MICALL2: variants seen among roughly 807,000 people sequenced by gnomAD.
MICALL2 encodes the protein MICAL-like protein 2.
Under a neutral mutation model 91.1 loss-of-function variants are expected in MICALL2, and 111 were observed. The ratio of observed to expected loss-of-function variants is 1.22; its 90% CI spans 1.04 to 1.43. The LOEUF (loss-of-function observed/expected upper bound fraction) is 1.43. Ranked by LOEUF, MICALL2 falls within the 40% of genes most tolerant of loss-of-function variation. The pLI is 0.00. For missense variants in MICALL2, 1,556 were observed against 1,236.0 expected (o/e 1.26, Z -3.88); for synonymous variants, 694 against 525.3 (o/e 1.32, Z -4.39).
At chr7:1,450,409 G>C (rs982833462) in intron 1 of MICALL2, 121 bp from the exon 2 acceptor site, 10 of 812,552 alleles carry the variant, frequency 1.2e-5, no homozygotes, top group Non-Finnish European at 2.1e-5. Flanking sequence ...GGCTGTGAAG[G>C]AATGAGGTGG....
At position 1,436,749 on chromosome 7, in the gene MICALL2, G is replaced by A. The variant is rs776670542; in HGVS notation, c.2584C>T (p.Arg862Trp). 8.1e-6 allele frequency: 13 copies of A among 1,604,058 alleles called. No individual in the cohort carries two copies. In the African/African-American group the frequency reaches 1.1e-4, roughly 13 times the overall value. Residue 862 changes from arginine to tryptophan, a missense_variant, in exon 15 of 17, where the codon CGG becomes TGG. Transcript: ENST00000297508. Reference protein sequence around the residue: ...SDIVDSLDEDRLREQEEDQML... With the variant: ...SDIVDSLDEDWLREQEEDQML... ...CCGGCACCTGCCCCTCACCGGAGCC[G>A]GTCCTCGTCCAGCGAGTCCACGATG... is the stretch of plus-strand genomic sequence containing the variant.
chr7:1,443,859 G>A (rs1409956661), intron 6 of MICALL2, among the ~76,000 whole-genome samples: 1 of 152,316 alleles, frequency 6.6e-6, no homozygotes, highest in African/African-American at 2.4e-5. Flanking sequence ...CCCAGTGAGG[G>A]GGTCTTTGGA....
chr7:1,435,082 G>C lies in MICALL2; in HGVS notation c.2638+19C>G, dbSNP rs767303748. 6.2e-7 allele frequency: 1 copy of C among 1,603,556 alleles called. No individual in the cohort carries two copies. On this transcript the variant is annotated intron_variant, in intron 16 of 16. Transcript: ENST00000297508. The stretch of plus-strand genomic sequence containing the variant: ...ACCCAGCCAGCCAGCCCAGCCCTCA[G>C]CATCCCCGGCCCAGTCACCCAGCTT...
chr7:1,437,624 G>A lies in MICALL2; in HGVS notation c.2403-16C>T, dbSNP rs977419128. 70 of 1,538,536 alleles carry A rather than the reference G, an allele frequency of 4.5e-5. No homozygotes were observed. The highest frequency in any genetic ancestry group is 2.1e-4 in the Middle Eastern group (1 of 4,758). ...GGCCTTGGACCTGCCGCACAGACAC[G>A]CGTCTGAGGCCTGACTCTGCCGCCC... is the stretch of plus-strand genomic sequence containing the variant. On this transcript the variant is annotated splice_polypyrimidine_tract_variant and intron_variant, in intron 13 of 16. Transcript: ENST00000297508.
Position 1,447,742 on chromosome 7 carries a change from T to C in MICALL2, c.358A>G (p.Arg120Gly). The C allele has an allele frequency of 6.4e-7, 1 of 1,551,756 alleles. No individual in the cohort carries two copies. The highest frequency in any genetic ancestry group is 1.2e-5 in the South Asian group (1 of 82,934). ...TCCTCCTCAGAGTCCTCCGAGGCCC[T>C]CTTCACGCCTGCCATGCCCCCAACT... ...SPIGGMAGVK[R>G]ASEDSEEEPS... Residue 120 changes from arginine to glycine, a missense_variant, in exon 4 of 17, where the codon AGG becomes GGG. By Grantham distance (125) the Arg-to-Gly change is moderately radical (BLOSUM62 -2). Transcript: ENST00000297508.
At position 1,451,754 on chromosome 7, in the gene MICALL2, G is replaced by A. The variant is rs548700906; in HGVS notation, c.144-1466C>T. 7.9e-5 allele frequency among the ~76,000 whole-genome samples: 12 copies of A among 152,352 alleles called. No individual in the cohort carries two copies. The highest frequency in any genetic ancestry group is 5.8e-4 in the East Asian group (3 of 5,184). Reference sequence around the variant, plus strand: ...CGCAGCTCCTGGTGGCGAATCTGACGGCCGTAGCTGCAGCAAACAGGAAGG... The same window carrying A: ...CGCAGCTCCTGGTGGCGAATCTGACAGCCGTAGCTGCAGCAAACAGGAAGG... On this transcript the variant is annotated intron_variant, in intron 1 of 16. Coordinates refer to ENST00000297508, the MANE Select transcript of MICALL2 (RefSeq NM_182924.4). The surrounding 1 kb of genome is among the most constrained non-coding windows in gnomAD (Gnocchi z 4.5).
Position 1,435,176 on chromosome 7 carries a change from A to ACAATGG in MICALL2, c.2592-35_2592-30dup, listed in dbSNP as rs528675454. On this transcript the variant is annotated intron_variant, in intron 15 of 16. Transcript: ENST00000297508. ...AAACGGGACCAGATGGCCATGAGCG[A>ACAATGG]CAATGGCAATGGCAAGGTGCCCTGG... 3.5e-4 allele frequency: 563 copies of ACAATGG among 1,612,370 alleles called. 1 individual carries two copies. Among genetic ancestry groups the ACAATGG allele is most frequent in the East Asian group, 2.1e-3 (92 of 44,866 alleles).
At chr7:1,459,077 C>T (rs1488570969) in intron 1 of MICALL2, 107 bp downstream of exon 1, 4 of 1,197,502 alleles carry the variant, frequency 3.3e-6, no homozygotes, top group East Asian at 5.7e-5. Flanking sequence ...CTGCCCAGTC[C>T]CACGCCTCGG....
At position 1,434,624 on chromosome 7, in the gene MICALL2, G is replaced by A. The variant is rs61736384; in HGVS notation, c.2687C>T (p.Pro896Leu). Residue 896 changes from proline (P) to leucine (L), a missense_variant, in exon 17 of 17, where the codon CCA becomes CTA. Physicochemically the swap from Pro to Leu is moderately conservative, Grantham distance 98. Coordinates refer to ENST00000297508, the MANE Select transcript of MICALL2 (RefSeq NM_182924.4). ...CTGGGAGGGGCTGCTTTTGCTTTTT[G>A]GTGACCAGATCTTGGACAAGCGGAA... ...SKFRLSKIWS[P>L]KSKSSPSQ 8.2e-4 allele frequency: 1,297 copies of A among 1,588,728 alleles called. 7 individuals carry two copies. In the African/African-American group the frequency reaches 0.016, roughly 19 times the overall value.
chr7:1,443,197 C>T (rs934128377), intron 6 of MICALL2, among the ~76,000 whole-genome samples: 4 of 151,238 alleles, frequency 2.6e-5, no homozygotes, highest in Non-Finnish European at 5.9e-5. Context: ...ACATGCCCCC[C>T]GCCCCACCAC....
intron 13 of MICALL2, 37 bp downstream of exon 13, chr7:1,437,853 C>T (rs1305312292): frequency 6.5e-7 from 1 of 1,533,078 alleles, no homozygotes; most frequent in Non-Finnish European, 8.8e-7. Flanking sequence ...CAACGAGGTC[C>T]TGGCCTTCGA....
At chr7:1,444,576 C>G in intron 6 of MICALL2, 76 bp downstream of exon 6, 1 of 1,425,938 alleles carries the variant, frequency 7.0e-7, no homozygotes, top group Non-Finnish European at 9.4e-7. Context: ...GCGCCCCCAA[C>G]CCCTCTGGCC....
rs989896028 is a variant in MICALL2 at position 1,452,434 on chromosome 7, C to T, written c.144-2146G>A. On this transcript the variant is annotated intron_variant, in intron 1 of 16. Coordinates refer to ENST00000297508, the MANE Select transcript of MICALL2 (RefSeq NM_182924.4). This position sits in a 1 kb window ranked among gnomAD's most constrained non-coding sequence, Gnocchi z 6.2. Reference sequence around the variant, plus strand: ...AGCCGGCTCTCCCTCCCTCTCTCCCCGCCCCCAGCCCTTTGAAAGCTCAAG... The same window carrying T: ...AGCCGGCTCTCCCTCCCTCTCTCCCTGCCCCCAGCCCTTTGAAAGCTCAAG... 8.5e-5 allele frequency among the ~76,000 whole-genome samples: 13 copies of T among 152,128 alleles called. No individual in the cohort carries two copies. The highest frequency in any genetic ancestry group is 8.5e-4 in the Admixed American group (13 of 15,288).
intron 7 of MICALL2, chr7:1,441,982 GCAT>G: frequency 1.6e-6 from 1 of 632,436 alleles, no homozygotes; most frequent in Non-Finnish European, 2.7e-6. Context: ...CCGGCAAACA[GCAT>G]AGCCCTGAGG....
At chr7:1,448,161 C>T (rs1389486073) in intron 3 of MICALL2, 2 of 239,090 alleles carry the variant, frequency 8.4e-6, no homozygotes, top group African/African-American at 2.2e-5. Context: ...GGGCCCCACC[C>T]TGCCAGGCCA....
At chr7:1,456,450 G>A (rs973120389) in intron 1 of MICALL2, among the ~76,000 whole-genome samples, 1 of 152,084 alleles carries the variant, frequency 6.6e-6, no homozygotes, top group African/African-American at 2.4e-5. Context: ...GCTGGGTGTG[G>A]GGGTGCACCC....
In MICALL2 at chr7:1,452,620, G is replaced by A. The variant is rs550951329; in HGVS notation, c.144-2332C>T. 1.3e-5 allele frequency among the ~76,000 whole-genome samples: 2 copies of A among 152,226 alleles called. No homozygotes were observed. Among genetic ancestry groups the A allele is most frequent in the South Asian group, 4.2e-4 (2 of 4,816 alleles). ...CCGCACTTGTTTCCGTCCACCCCAG[G>A]GGCCAGCAGCGGCTCTGTCCAGTGG... On this transcript the variant is annotated intron_variant, in intron 1 of 16. Transcript: ENST00000297508. The surrounding 1 kb of genome is among the most constrained non-coding windows in gnomAD (Gnocchi z 6.2).
intron 1 of MICALL2, chr7:1,450,637 G>A (rs1041564069): frequency 1.7e-5 from 4 of 237,332 alleles, no homozygotes; most frequent in South Asian, 7.0e-5. Flanking sequence ...AGCTCAGCTC[G>A]GAGGGGGCTC....
intron 2 of MICALL2, among the ~76,000 whole-genome samples, chr7:1,449,645 C>G (rs1363683373): frequency 6.6e-6 from 1 of 152,282 alleles, no homozygotes; most frequent in Non-Finnish European, 1.5e-5. Flanking sequence ...TGAAGGCCAG[C>G]TCCGGGGGCA....
Sources: allele counts gnomAD v4.1 joint callset (sites outside exome capture counted in the v4.1 genomes callset), GRCh38; gene constraint gnomAD v4.1.1; non-coding constraint Gnocchi (gnomAD v3.1); transcripts MANE v1.5; gene names NCBI Gene and HGNC (gene_info 2026-07-23, HGNC 2026-07-21).